Variants in PDSS2 observed in about 807,000 individuals in gnomAD.
PDSS2 encodes all trans-polyprenyl-diphosphate synthase PDSS2.
PDSS2 carries 31 observed loss-of-function variants against 44.5 expected under a neutral mutation model. That is an observed-to-expected ratio of 0.70 (90% confidence interval 0.52 to 0.94). The LOEUF is 0.94. Ranked by LOEUF, PDSS2 falls within the 40% of genes least tolerant of loss-of-function variation. The pLI is 0.00. For synonymous variants in PDSS2, 157 were observed against 180.3 expected, an observed-to-expected ratio of 0.87 and a Z score of 1.03; for missense variants, 452 against 482.2, an observed-to-expected ratio of 0.94 and a Z score of 0.59.
intron 7 of PDSS2, among the ~76,000 whole-genome samples, chr6:107,173,572 CAAAAAAAAAAAA>C (rs71012783): frequency 2.4e-5 from 1 of 41,508 alleles, no homozygotes; most frequent in South Asian, 2.1e-3. Flanking sequence ...GACTCTGTCT[CAAAAAAAAAAAA>C]AAAAAAAAAA....
At chr6:107,430,407 C>T (rs1781159019) in intron 1 of PDSS2, among the ~76,000 whole-genome samples, 1 of 151,900 alleles carries the variant, frequency 6.6e-6, no homozygotes, top group South Asian at 2.1e-4. Flanking sequence ...GGCTGAGGCA[C>T]AATAATCACT....
At chr6:107,173,029 C>T (rs1001610550) in intron 7 of PDSS2, among the ~76,000 whole-genome samples, 22 of 149,862 alleles carry the variant, frequency 1.5e-4, no homozygotes, top group South Asian at 8.4e-4. Context: ...GAGGCTGAGG[C>T]GGGAGAATCG....
chr6:107,289,205 T>G (rs1776262112), intron 2 of PDSS2, among the ~76,000 whole-genome samples: 1 of 151,026 alleles, frequency 6.6e-6, no homozygotes, highest in Admixed American at 6.6e-5. Flanking sequence ...AAACCCCATC[T>G]CTACTAAAAA....
At position 107,154,363 on chromosome 6, in the gene PDSS2, A is replaced by C; in HGVS notation, c.*256T>G. 6.9e-6 allele frequency: 3 copies of C among 436,436 alleles called. No individual in the cohort carries two copies. Among genetic ancestry groups the C allele is most frequent in the East Asian group, 4.9e-5 (1 of 20,534 alleles). 27.0% of individuals were successfully genotyped at this position (436,436 alleles called of 1,614,324 possible). ...CCATTTGCTGAGGTCACAGGAGCGAATCTCATTAATTATTTCTGCGACTGC... is the reference window on the plus strand; with the variant it reads ...CCATTTGCTGAGGTCACAGGAGCGACTCTCATTAATTATTTCTGCGACTGC... On this transcript the variant is annotated 3_prime_UTR_variant, in exon 8 of 8. Coordinates refer to ENST00000369037, the MANE Select transcript of PDSS2 (RefSeq NM_020381.4).
intron 2 of PDSS2, among the ~76,000 whole-genome samples, chr6:107,299,713 T>A (rs1776632234): frequency 6.6e-6 from 1 of 152,106 alleles, no homozygotes; most frequent in Non-Finnish European, 1.5e-5. Flanking sequence ...GAAACCCCAC[T>A]TTCACCCCCA....
rs192729595 is a variant in PDSS2 at position 107,358,351 on chromosome 6, G to A, written c.297-24019C>T. ...ATAAGGGATACTCAACCTGTAGTAC[G>A]TATCTTCCAAGTATGTTCTGAAAAT... is the stretch of plus-strand genomic sequence containing the variant. On this transcript the variant is annotated intron_variant, in intron 1 of 7. Coordinates refer to ENST00000369037, the MANE Select transcript of PDSS2 (RefSeq NM_020381.4). 4.6e-3 allele frequency among the ~76,000 whole-genome samples: 705 copies of A among 152,266 alleles called. 30 individuals carry two copies. The highest frequency in any genetic ancestry group is 0.041 in the Admixed American group (633 of 15,308).
chr6:107,329,908 G>T (rs1295695287), intron 2 of PDSS2, among the ~76,000 whole-genome samples: 1 of 151,660 alleles, frequency 6.6e-6, no homozygotes, highest in Non-Finnish European at 1.5e-5. Context: ...AGCTCAGGCA[G>T]GAGAATTGCT....
chr6:107,434,739 AAG>A (rs1376008883), intron 1 of PDSS2, among the ~76,000 whole-genome samples: 1 of 151,280 alleles, frequency 6.6e-6, no homozygotes, highest in African/African-American at 2.5e-5. Context: ...AAATAATTAA[AAG>A]AGTATTACTA....
chr6:107,222,126 T>C (rs1165491644), intron 4 of PDSS2, among the ~76,000 whole-genome samples: 3 of 152,166 alleles, frequency 2.0e-5, no homozygotes, highest in African/African-American at 7.2e-5. Context: ...TGCTTTGAAT[T>C]AGCCTTTTCA....
intron 1 of PDSS2, among the ~76,000 whole-genome samples, chr6:107,435,165 G>A (rs1363149146): frequency 6.6e-6 from 1 of 151,874 alleles, no homozygotes; most frequent in Non-Finnish European, 1.5e-5. Flanking sequence ...TGTAGTCCTA[G>A]CTACACGGGA....
At chr6:107,322,383 A>T (rs1019502206) in intron 2 of PDSS2, among the ~76,000 whole-genome samples, 6 of 152,156 alleles carry the variant, frequency 3.9e-5, no homozygotes, top group African/African-American at 1.4e-4. Context: ...GCCGGGCATG[A>T]AGGCGCACAC....
At chr6:107,435,229 T>C (rs1016773371) in intron 1 of PDSS2, among the ~76,000 whole-genome samples, 1 of 151,240 alleles carries the variant, frequency 6.6e-6, no homozygotes, top group African/African-American at 2.4e-5. Context: ...CAGTGAGCTA[T>C]GATCATGCCA....
chr6:107,433,562 C>A (rs1411281689), intron 1 of PDSS2, among the ~76,000 whole-genome samples: 1 of 152,126 alleles, frequency 6.6e-6, no homozygotes, highest in Non-Finnish European at 1.5e-5. Flanking sequence ...AACTGGATAT[C>A]CATATGCAAA....
In PDSS2 at chr6:107,458,979, G is replaced by T; in HGVS notation, c.296+11C>A. ...GAGTGCGAGTGTGTCAGCGGGAGAG[G>T]GGTAGCTCACCTGGCTGTGGTAAGC... On this transcript the variant is annotated intron_variant, in intron 1 of 7. Coordinates refer to ENST00000369037, the MANE Select transcript of PDSS2 (RefSeq NM_020381.4). The T allele has an allele frequency of 6.2e-7, 1 of 1,613,278 alleles. No individual in the cohort carries two copies. The highest frequency in any genetic ancestry group is 1.1e-5 in the South Asian group (1 of 91,008).
At chr6:107,247,041 A>G (rs1179185837) in intron 3 of PDSS2, among the ~76,000 whole-genome samples, 1 of 152,202 alleles carries the variant, frequency 6.6e-6, no homozygotes, top group African/African-American at 2.4e-5. Context: ...TGAAGGTATC[A>G]GATAAGCCCT....
At chr6:107,162,324 A>G (rs1554246831) in intron 7 of PDSS2, among the ~76,000 whole-genome samples, 1 of 151,796 alleles carries the variant, frequency 6.6e-6, no homozygotes, top group Non-Finnish European at 1.5e-5. Context: ...GTGTAACCCC[A>G]TCTCTACTAA....
At chr6:107,434,801 C>T (rs949234036) in intron 1 of PDSS2, among the ~76,000 whole-genome samples, 1 of 151,922 alleles carries the variant, frequency 6.6e-6, no homozygotes, top group Non-Finnish European at 1.5e-5. Context: ...AACACATACC[C>T]CATTTACCCT....
chr6:107,396,215 G>C (rs778895506), intron 1 of PDSS2, among the ~76,000 whole-genome samples: 1 of 152,084 alleles, frequency 6.6e-6, no homozygotes, highest in Non-Finnish European at 1.5e-5. Flanking sequence ...AGATTATCTA[G>C]AACTTTTTTT....
chr6:107,305,260 C>T (rs1404419663), intron 2 of PDSS2, among the ~76,000 whole-genome samples: 3 of 151,938 alleles, frequency 2.0e-5, no homozygotes, highest in Non-Finnish European at 4.4e-5. Context: ...TCAAGGACAA[C>T]TCTAGAGGGG....
Sources: gnomAD v4.1 joint callset for allele counts (sites outside exome capture counted in the v4.1 genomes callset) on GRCh38, gnomAD v4.1.1 for gene constraint, MANE v1.5 for transcripts, NCBI Gene and HGNC (gene_info 2026-07-23, HGNC 2026-07-21) for gene names.